TMEM127: variants seen among roughly 807,000 people sequenced by gnomAD.
The protein encoded by TMEM127 is transmembrane protein 127.
Under a neutral mutation model 20.1 loss-of-function variants are expected in TMEM127, and 21 were observed. The observed-to-expected ratio is 1.04, with a 90% CI of 0.74 to 1.50. The LOEUF is 1.50. Ranked by LOEUF, TMEM127 falls within the 40% of genes most tolerant of loss-of-function variation. The probability of loss-of-function intolerance (pLI) is 0.00; values close to 1 mark genes in which losing one functional copy is unlikely to be tolerated. For missense variants in TMEM127, 303 were observed against 317.4 expected, an observed-to-expected ratio of 0.95 and a Z score of 0.34; for synonymous variants, 150 against 144.7, an observed-to-expected ratio of 1.04 and a Z score of -0.26.
In TMEM127 at chr2:96,254,816, G is replaced by A; in HGVS notation, c.409+17C>T. On this transcript the variant is annotated intron_variant, in intron 3 of 3. Transcript: ENST00000258439. ...TGTAGCAGTTCCTCTCCCACTGTGA[G>A]CAGGCTCACGGCTTACCCGTTAGGA... 1.2e-6 allele frequency: 2 copies of A among 1,613,862 alleles called. No individual in the cohort carries two copies. The highest frequency in any genetic ancestry group is 1.7e-6 in the Non-Finnish European group (2 of 1,179,886).
chr2:96,255,310 A>G (rs1278516381), intron 2 of TMEM127, among the ~76,000 whole-genome samples: 1 of 152,272 alleles, frequency 6.6e-6, no homozygotes, highest in Non-Finnish European at 1.5e-5. Flanking sequence ...TTAACCTGAC[A>G]TGTTAATGCA....
chr2:96,260,051 T>C (rs190286141), intron 2 of TMEM127, among the ~76,000 whole-genome samples: 2 of 152,362 alleles, frequency 1.3e-5, no homozygotes, highest in East Asian at 3.9e-4. Context: ...ATAGGTTTTG[T>C]TTCAATATAA....
At chr2:96,263,701 C>T (rs576156610) in intron 2 of TMEM127, among the ~76,000 whole-genome samples, 27 of 152,096 alleles carry the variant, frequency 1.8e-4, no homozygotes, top group Non-Finnish European at 3.1e-4. Flanking sequence ...AGCTCTGCCA[C>T]CCTAAACTGG....
rs1684136694 is a variant in TMEM127, at chr2:96,253,611, G to GA, written c.*196dup. ...GGCAGGAGGGAAAGAGTACATTATA[G>GA]AAAACCAGTGGACCTCCGGTTCTGA... On this transcript the variant is annotated 3_prime_UTR_variant, in exon 4 of 4. Transcript: ENST00000258439. The surrounding 1 kb of genome is among the most constrained non-coding windows in gnomAD (Gnocchi z 4.3). 1.6e-6 allele frequency: 1 copy of GA among 618,180 alleles called. No individual in the cohort carries two copies. Among genetic ancestry groups the GA allele is most frequent in the Non-Finnish European group, 2.8e-6 (1 of 356,938 alleles). 38.3% of individuals were successfully genotyped at this position (618,180 alleles called of 1,614,324 possible). A position where few individuals can be genotyped will look rare whatever the true frequency, so the allele number is the denominator to read the frequency against.
chr2:96,256,010 C>T (rs1416284466), intron 2 of TMEM127, among the ~76,000 whole-genome samples: 2 of 152,030 alleles, frequency 1.3e-5, no homozygotes, highest in Non-Finnish European at 2.9e-5. Flanking sequence ...TGGTAGCTCA[C>T]GCCTGTAATC....
Position 96,253,250 on chromosome 2 carries a change from T to C in TMEM127, c.*558A>G, listed in dbSNP as rs2104281017. 4.3e-6 allele frequency: 1 copy of C among 234,580 alleles called. No individual in the cohort carries two copies. The highest frequency in any genetic ancestry group is 6.0e-5 in the East Asian group (1 of 16,546). 14.5% of individuals were successfully genotyped at this position (234,580 alleles called of 1,614,324 possible). On this transcript the variant is annotated 3_prime_UTR_variant, in exon 4 of 4. Transcript: ENST00000258439. This position sits in a 1 kb window ranked among gnomAD's most constrained non-coding sequence, Gnocchi z 4.3. ...TCCCAACAGCGATTCCCTCTCCCCATAAAACCAGGGCACACGTGAGGAGAA... is the reference window on the plus strand; with the variant it reads ...TCCCAACAGCGATTCCCTCTCCCCACAAAACCAGGGCACACGTGAGGAGAA...
chr2:96,251,716 C>T lies in TMEM127; in HGVS notation c.*2092G>A, dbSNP rs946652013. ...TAATTTTTTTCTAGAAAAAAAAACACAACCCGGGGAATTTATATGACAAAC... is the reference window on the plus strand; with the variant it reads ...TAATTTTTTTCTAGAAAAAAAAACATAACCCGGGGAATTTATATGACAAAC... On this transcript the variant is annotated 3_prime_UTR_variant, in exon 4 of 4. Transcript: ENST00000258439. 1 of 232,304 alleles carries T rather than the reference C, an allele frequency of 4.3e-6. No individual in the cohort carries two copies. Among genetic ancestry groups the T allele is most frequent in the Non-Finnish European group, 8.5e-6 (1 of 117,440 alleles). The allele number at this position is 232,304 out of a possible 1,614,324, so 14.4% of individuals were successfully genotyped here.
At chr2:96,254,151 G>T in intron 3 of TMEM127, 36 bp from the exon 4 acceptor site, 1 of 1,609,716 alleles carries the variant, frequency 6.2e-7, no homozygotes. Flanking sequence ...AGGGGAATTA[G>T]TGAGCACTCC....
intron 2 of TMEM127, among the ~76,000 whole-genome samples, chr2:96,256,057 G>A (rs1684195563): frequency 6.6e-6 from 1 of 151,990 alleles, no homozygotes; most frequent in South Asian, 2.1e-4. Context: ...CAGATCACGA[G>A]GTCAGAAGAT....
At chr2:96,263,846 G>C (rs949577709) in intron 2 of TMEM127, among the ~76,000 whole-genome samples, 1 of 152,130 alleles carries the variant, frequency 6.6e-6, no homozygotes, top group Non-Finnish European at 1.5e-5. Flanking sequence ...TTCAAAGAAA[G>C]CAAGTACAGG....
intron 3 of TMEM127, 22 bp from the exon 4 acceptor site, chr2:96,254,137 C>T: frequency 1.9e-6 from 3 of 1,612,166 alleles, no homozygotes; most frequent in East Asian, 4.5e-5. Flanking sequence ...AGGGACAGCA[C>T]AGAAGGGGAA....
chr2:96,250,523 G>C lies in TMEM127; in HGVS notation c.*3285C>G, dbSNP rs1214802704. The C allele has an allele frequency of 4.3e-6, 1 of 232,738 alleles. No individual in the cohort carries two copies. The highest frequency in any genetic ancestry group is 8.5e-6 in the Non-Finnish European group (1 of 117,804). The allele number at this position is 232,738 out of a possible 1,614,324, so 14.4% of individuals were successfully genotyped here. A position where few individuals can be genotyped will look rare whatever the true frequency, so the allele number is the denominator to read the frequency against. ...TGTCCGTCACTGTATATTTCATGGT[G>C]CCTAATGGTGCTTTGTCTGAATGGA... On this transcript the variant is annotated 3_prime_UTR_variant, in exon 4 of 4. Transcript: ENST00000258439.
chr2:96,265,053 G>T, intron 2 of TMEM127, 85 bp downstream of exon 2: 1 of 1,578,192 alleles, frequency 6.3e-7, no homozygotes, highest in Non-Finnish European at 8.6e-7. Context: ...TCAACCAAGT[G>T]TCTGGTCCCT....
intron 2 of TMEM127, 40 bp downstream of exon 2, chr2:96,265,098 C>G (rs767310622): frequency 8.9e-5 from 144 of 1,610,010 alleles, no homozygotes; most frequent in Non-Finnish European, 1.1e-4. Context: ...ACATTCTGTC[C>G]CCCACCGAGG....
rs1684139072 is a variant in TMEM127, at chr2:96,253,771, G to C, written c.*37C>G. ...GGTGCGAGAGGAGCTGCAGAGTTGAGGGAGGGGCTGCCGAGGAAGAGAGCC... is the reference window on the plus strand; with the variant it reads ...GGTGCGAGAGGAGCTGCAGAGTTGACGGAGGGGCTGCCGAGGAAGAGAGCC... On this transcript the variant is annotated 3_prime_UTR_variant, in exon 4 of 4. Transcript: ENST00000258439. This position sits in a 1 kb window ranked among gnomAD's most constrained non-coding sequence, Gnocchi z 4.3. The C allele has an allele frequency of 1.3e-6, 2 of 1,585,262 alleles. No homozygotes were observed. Among genetic ancestry groups the C allele is most frequent in the South Asian group, 1.1e-5 (1 of 87,040 alleles).
chr2:96,249,396 A>G lies in TMEM127; in HGVS notation c.*4412T>C, dbSNP rs117047359. The G allele has an allele frequency of 2.0e-3, 448 of 218,942 alleles. 10 individuals carry two copies. In the East Asian group the frequency reaches 0.027, roughly 13 times the overall value. 13.6% of individuals were successfully genotyped at this position (218,942 alleles called of 1,614,324 possible). A position where few individuals can be genotyped will look rare whatever the true frequency, so the allele number is the denominator to read the frequency against. On this transcript the variant is annotated 3_prime_UTR_variant, in exon 4 of 4. Coordinates refer to ENST00000258439, the MANE Select transcript of TMEM127 (RefSeq NM_017849.4). ...TAGGCGTGAGCCACCGCACCCGGCC[A>G]GAACTGATCTTAATTCTCAAACCAG...
chr2:96,253,594 G>A lies in TMEM127; in HGVS notation c.*214C>T. 3 of 586,948 alleles carry A rather than the reference G, an allele frequency of 5.1e-6. No homozygotes were observed. Among genetic ancestry groups the A allele is most frequent in the Admixed American group, 6.1e-5 (2 of 32,636 alleles). 36.4% of individuals were successfully genotyped at this position (586,948 alleles called of 1,614,324 possible). A position where few individuals can be genotyped will look rare whatever the true frequency, so the allele number is the denominator to read the frequency against. On this transcript the variant is annotated 3_prime_UTR_variant, in exon 4 of 4. Transcript: ENST00000258439. The surrounding 1 kb of genome is among the most constrained non-coding windows in gnomAD (Gnocchi z 4.3). ...TGAAGGGGGCAGGATGTGGCAGGAG[G>A]GAAAGAGTACATTATAGAAAACCAG...
chr2:96,265,152 G>T lies in TMEM127; in HGVS notation c.230C>A (p.Pro77Gln). The T allele has an allele frequency of 6.2e-7, 1 of 1,611,822 alleles. No homozygotes were observed. The highest frequency in any genetic ancestry group is 8.5e-7 in the Non-Finnish European group (1 of 1,179,680). The change falls in exon 2 of 4, where the codon CCG becomes CAG. Residue 77 changes from proline to glutamine, a missense_variant. By Grantham distance (76) the Pro-to-Gln change is moderately conservative. Transcript: ENST00000258439. ...AGCACCCTCACCTTTCAGCAGGTCC[G>T]GGTGCACATAGCCCAACACGTCGGA... Reference protein sequence around the residue: ...GVSDVLGYVHPDLLKDFCMNP... With the variant: ...GVSDVLGYVHQDLLKDFCMNP...
intron 2 of TMEM127, among the ~76,000 whole-genome samples, chr2:96,257,438 G>C (rs572249698): frequency 6.6e-6 from 1 of 152,122 alleles, no homozygotes; most frequent in African/African-American, 2.4e-5. Context: ...CTCCAGCCTG[G>C]CGACAGAGCG....
Sources: gnomAD v4.1 joint callset for allele counts (sites outside exome capture counted in the v4.1 genomes callset) on GRCh38, gnomAD v4.1.1 for gene constraint, Gnocchi (gnomAD v3.1) non-coding constraint, MANE v1.5 for transcripts, NCBI Gene and HGNC (gene_info 2026-07-23, HGNC 2026-07-21) for gene names.